NCOA1: variants seen among roughly 807,000 people sequenced by gnomAD.
NCOA1 encodes the protein Hin-2 protein.
NCOA1 carries 35 observed loss-of-function variants against 150.9 expected under a neutral mutation model. The ratio of observed to expected loss-of-function variants is 0.23; its 90% confidence interval spans 0.18 to 0.31. The LOEUF (loss-of-function observed/expected upper bound fraction) is 0.31, where lower values mean the gene tolerates loss of function less well. Among genes scored for constraint, NCOA1 ranks in the 10% least tolerant of loss-of-function variants. NCOA1 has a pLI of 1.00. For missense variants in NCOA1, 1,491 were observed against 1,749.3 expected (o/e 0.85, Z 2.63); for synonymous variants, 590 against 630.0 (o/e 0.94, Z 0.95).
chr2:24,751,056 C>T (rs529223841), intron 19 of NCOA1, among the ~76,000 whole-genome samples: 7 of 149,478 alleles, frequency 4.7e-5, no homozygotes, highest in Admixed American at 1.3e-4. Flanking sequence ...GGTGCGATCT[C>T]GTCTCACTGC....
intron 14 of NCOA1, among the ~76,000 whole-genome samples, chr2:24,717,813 C>G (rs939268198): frequency 2.0e-5 from 3 of 151,980 alleles, no homozygotes; most frequent in Non-Finnish European, 4.4e-5. Flanking sequence ...GAAAAACTGT[C>G]CAATCTAAAC....
At chr2:24,667,404 C>A (rs1572565234) in intron 6 of NCOA1, among the ~76,000 whole-genome samples, 1 of 152,210 alleles carries the variant, frequency 6.6e-6, no homozygotes, top group East Asian at 1.9e-4. Flanking sequence ...CCTCACCTAA[C>A]TGCCAGTCAA....
chr2:24,757,071 A>G (rs755051635), intron 20 of NCOA1, among the ~76,000 whole-genome samples: 9 of 152,246 alleles, frequency 5.9e-5, no homozygotes, highest in Non-Finnish European at 1.3e-4. Flanking sequence ...AATTTGTAGC[A>G]TATTGAAAGC....
In NCOA1 at chr2:24,491,483, G is replaced by A. The variant is rs1662949481; in HGVS notation, c.-515G>A. On this transcript the variant is annotated 5_prime_UTR_variant, in exon 1 of 23. Coordinates refer to ENST00000348332, the MANE Select transcript of NCOA1 (RefSeq NM_003743.5). ...CTGCGGGGGGACCCCTGCTCCGGAG[G>A]AGGGGGCCGGAGAGCCGCGGCGCCG... Among the ~76,000 whole-genome samples the A allele has an allele frequency of 9.7e-6, 1 of 103,282 alleles. No individual in the cohort carries two copies. The highest frequency in any genetic ancestry group is 8.0e-5 in the Admixed American group (1 of 12,456). 67.8% of individuals were successfully genotyped at this position (103,282 alleles called of 152,430 possible).
intron 1 of NCOA1, among the ~76,000 whole-genome samples, chr2:24,521,658 A>G (rs914515316): frequency 2.0e-5 from 3 of 152,146 alleles, no homozygotes; most frequent in African/African-American, 7.2e-5. Context: ...TTGTTTTTAT[A>G]TTTTGGCTGT....
intron 2 of NCOA1, among the ~76,000 whole-genome samples, chr2:24,580,483 A>G (rs1667152284): frequency 6.6e-6 from 1 of 152,038 alleles, no homozygotes; most frequent in South Asian, 2.1e-4. Flanking sequence ...TTTAGACTGG[A>G]TAGTATCTAT....
chr2:24,729,366 G>A (rs1294710538), intron 16 of NCOA1, 135 bp from the exon 17 acceptor site: 3 of 813,454 alleles, frequency 3.7e-6, no homozygotes, highest in Non-Finnish European at 5.7e-6. Context: ...TTTTATAAAT[G>A]ATTTCTTTAG....
At chr2:24,627,494 G>A (rs749639720) in intron 3 of NCOA1, among the ~76,000 whole-genome samples, 41 of 152,326 alleles carry the variant, frequency 2.7e-4, no homozygotes, top group Non-Finnish European at 1.0e-4. Flanking sequence ...TGGTAGAGTA[G>A]ATAGAACCTG....
chr2:24,596,734 G>A (rs1334597519), intron 3 of NCOA1, among the ~76,000 whole-genome samples: 1 of 152,060 alleles, frequency 6.6e-6, no homozygotes, highest in Admixed American at 6.6e-5. Flanking sequence ...AATCATTTTT[G>A]TGTATACTTA....
At chr2:24,632,649 A>C (rs1163231025) in intron 3 of NCOA1, among the ~76,000 whole-genome samples, 1 of 152,228 alleles carries the variant, frequency 6.6e-6, no homozygotes. Flanking sequence ...AGGAAATAGG[A>C]GGAATCTTTT....
intron 6 of NCOA1, among the ~76,000 whole-genome samples, chr2:24,668,112 A>ATG (rs1285723385): frequency 3.9e-5 from 6 of 152,198 alleles, no homozygotes; most frequent in African/African-American, 1.2e-4. Flanking sequence ...GGATGAAGGG[A>ATG]TGTGATTTGA....
At chr2:24,606,817 T>C (rs924472521) in intron 3 of NCOA1, among the ~76,000 whole-genome samples, 2 of 152,230 alleles carry the variant, frequency 1.3e-5, no homozygotes, top group Non-Finnish European at 2.9e-5. Context: ...TTATAACTTA[T>C]TAGTTATTTG....
chr2:24,616,240 G>A (rs1668867429), intron 3 of NCOA1, among the ~76,000 whole-genome samples: 3 of 152,110 alleles, frequency 2.0e-5, no homozygotes, highest in Admixed American at 6.5e-5. Flanking sequence ...TCTGCTATTT[G>A]CACATTTCCC....
At chr2:24,750,377 G>A (rs1664154176) in intron 19 of NCOA1, among the ~76,000 whole-genome samples, 1 of 152,138 alleles carries the variant, frequency 6.6e-6, no homozygotes, top group Non-Finnish European at 1.5e-5. Context: ...AAGACAATGT[G>A]GTGCTGGTAC....
intron 3 of NCOA1, among the ~76,000 whole-genome samples, chr2:24,618,626 T>C (rs1037842287): frequency 3.9e-5 from 6 of 152,134 alleles, no homozygotes; most frequent in African/African-American, 1.4e-4. Flanking sequence ...AAAATATGAT[T>C]TGAACTCAGG....
chr2:24,763,460 A>AC (rs1664885944), intron 22 of NCOA1, among the ~76,000 whole-genome samples: 1 of 140,376 alleles, frequency 7.1e-6, no homozygotes. Context: ...AATGGCATGA[A>AC]CCCCGGGGGG....
At chr2:24,514,284 T>TC (rs1664061759) in intron 1 of NCOA1, among the ~76,000 whole-genome samples, 1 of 30,862 alleles carries the variant, frequency 3.2e-5, no homozygotes, top group South Asian at 9.2e-4. Flanking sequence ...AGACTCTGTC[T>TC]CAAAAAAAAA....
intron 2 of NCOA1, among the ~76,000 whole-genome samples, chr2:24,569,882 GA>G (rs904053246): frequency 6.3e-4 from 91 of 144,138 alleles, no homozygotes; most frequent in Non-Finnish European, 1.2e-3. Flanking sequence ...AAAAAAAAAA[GA>G]AAAAAAAAGA....
intron 3 of NCOA1, among the ~76,000 whole-genome samples, chr2:24,587,754 A>T (rs1312929421): frequency 1.3e-5 from 2 of 152,146 alleles, no homozygotes; most frequent in Non-Finnish European, 2.9e-5. Context: ...TCTTCTTTAC[A>T]GTATTTTCAA....
Sources: allele counts gnomAD v4.1 joint callset (sites outside exome capture counted in the v4.1 genomes callset), GRCh38; gene constraint gnomAD v4.1.1; transcripts MANE v1.5; gene names NCBI Gene and HGNC (gene_info 2026-07-23, HGNC 2026-07-21).